Variants in SETBP1 observed in about 807,000 individuals in gnomAD.
SETBP1 encodes SET binding protein 1.
SETBP1 carries 9 observed loss-of-function variants against 101.0 expected under a neutral mutation model. The observed-to-expected ratio is 0.09, with a 90% CI of 0.05 to 0.16. SETBP1 has a LOEUF of 0.16. Among genes scored for constraint, SETBP1 ranks in the 10% least tolerant of loss-of-function variants. SETBP1 has a pLI of 1.00. For missense variants in SETBP1, 1,858 were observed against 2,033.8 expected (o/e 0.91, Z 1.66); for synonymous variants, 818 against 788.5 (o/e 1.04, Z -0.63).
intron 2 of SETBP1, among the ~76,000 whole-genome samples, chr18:44,783,408 G>A (rs1435952822): frequency 6.6e-6 from 1 of 152,160 alleles, no homozygotes; most frequent in African/African-American, 2.4e-5. Flanking sequence ...GAAAAGGAAG[G>A]AAATCAATGA....
At chr18:45,052,018 C>T (rs1323323653) in intron 5 of SETBP1, among the ~76,000 whole-genome samples, 4 of 128,484 alleles carry the variant, frequency 3.1e-5, no homozygotes, top group Non-Finnish European at 7.2e-5. Flanking sequence ...AGTCAAGTCA[C>T]GTAGATTGAT....
chr18:44,704,302 A>T (rs2069173995), intron 2 of SETBP1, among the ~76,000 whole-genome samples: 3 of 152,354 alleles, frequency 2.0e-5, no homozygotes, highest in Admixed American at 2.0e-4. Flanking sequence ...TATGGGAAAG[A>T]AATAAAATTG....
intron 2 of SETBP1, among the ~76,000 whole-genome samples, chr18:44,836,952 A>G (rs2072510141): frequency 6.6e-6 from 1 of 152,254 alleles, no homozygotes; most frequent in South Asian, 2.1e-4. Flanking sequence ...GTATGGGGCC[A>G]TGATTTTATC....
chr18:44,688,236 T>A (rs1896792207), intron 1 of SETBP1, among the ~76,000 whole-genome samples: 2 of 152,224 alleles, frequency 1.3e-5, no homozygotes, highest in South Asian at 4.1e-4. Context: ...TTATTCCTTT[T>A]ATCTGCCAAT....
At chr18:44,856,259 A>G (rs1431217730) in intron 2 of SETBP1, among the ~76,000 whole-genome samples, 2 of 152,182 alleles carry the variant, frequency 1.3e-5, no homozygotes, top group African/African-American at 4.8e-5. Context: ...CACTTCCCCA[A>G]AGTGCTCAAG....
chr18:44,953,081 A>G lies in SETBP1; in HGVS notation c.3741A>G (p.Glu1247=). The G allele has an allele frequency of 6.2e-7, 1 of 1,614,228 alleles. No homozygotes were observed. The highest frequency in any genetic ancestry group is 1.1e-5 in the South Asian group (1 of 91,088). ...SDAQHWTQAK[E]KGDLSSEPVD... is the part of the protein sequence containing the mutation. The stretch of plus-strand genomic sequence containing the variant: ...CCCAGCATTGGACACAGGCCAAGGA[A>G]AAAGGAGACTTGAGCAGTGAGCCTG... Residue 1247 remains glutamate (E), a synonymous_variant, in exon 4 of 6, where the codon GAA becomes GAG. Transcript: ENST00000649279.
At position 44,970,375 on chromosome 18, in the gene SETBP1, T is replaced by C. The variant is rs370066101; in HGVS notation, c.4000+17035T>C. ...CTTATAAAGTTGTAGCATATGTACC[T>C]ATATGTAGCAGAATGCCTGACTCAT... On this transcript the variant is annotated intron_variant, in intron 4 of 5. Coordinates refer to ENST00000649279, the MANE Select transcript of SETBP1 (RefSeq NM_015559.3). Among the ~76,000 whole-genome samples, 17 of 152,352 alleles carry C rather than the reference T, an allele frequency of 1.1e-4. 1 individual carries two copies. Among genetic ancestry groups the C allele is most frequent in the African/African-American group, 4.1e-4 (17 of 41,576 alleles).
chr18:44,958,499 C>A (rs1450715441), intron 4 of SETBP1, among the ~76,000 whole-genome samples: 1 of 152,138 alleles, frequency 6.6e-6, no homozygotes, highest in Non-Finnish European at 1.5e-5. Context: ...TATTTAGACT[C>A]AGCATTAAAT....
chr18:44,919,670 G>C (rs2070532175), intron 3 of SETBP1, among the ~76,000 whole-genome samples: 1 of 151,516 alleles, frequency 6.6e-6, no homozygotes, highest in South Asian at 2.1e-4. Context: ...CTTTAAGCTT[G>C]TCCCCATATC....
At chr18:44,992,204 G>A (rs2072393942) in intron 4 of SETBP1, among the ~76,000 whole-genome samples, 1 of 152,004 alleles carries the variant, frequency 6.6e-6, no homozygotes, top group Non-Finnish European at 1.5e-5. Flanking sequence ...ATTGGAAATT[G>A]TTTATTAAAT....
intron 2 of SETBP1, among the ~76,000 whole-genome samples, chr18:44,752,515 T>C (rs2070406789): frequency 6.6e-6 from 1 of 152,208 alleles, no homozygotes; most frequent in Non-Finnish European, 1.5e-5. Context: ...AGCATGTTTT[T>C]GCACTCCAGC....
intron 5 of SETBP1, among the ~76,000 whole-genome samples, chr18:45,046,808 T>C (rs1336225317): frequency 6.6e-6 from 1 of 152,216 alleles, no homozygotes; most frequent in Admixed American, 6.5e-5. Context: ...ATGTATGGAA[T>C]GAAAATAAGA....
intron 3 of SETBP1, among the ~76,000 whole-genome samples, chr18:44,873,588 G>A (rs1033270327): frequency 1.8e-4 from 28 of 152,114 alleles, no homozygotes; most frequent in Non-Finnish European, 7.3e-5. Flanking sequence ...TCCAGAGCAG[G>A]GGAAGCATGG....
At chr18:44,993,559 C>A (rs1269971558) in intron 4 of SETBP1, among the ~76,000 whole-genome samples, 3 of 151,868 alleles carry the variant, frequency 2.0e-5, no homozygotes, top group African/African-American at 7.2e-5. Context: ...CCTAGAAATA[C>A]ATCTAACAAA....
At chr18:44,993,767 CAATATA>C (rs1229129028) in intron 4 of SETBP1, among the ~76,000 whole-genome samples, 1 of 151,780 alleles carries the variant, frequency 6.6e-6, no homozygotes, top group African/African-American at 2.4e-5. Flanking sequence ...ATTCTATACT[CAATATA>C]AAAAGCCTAC....
chr18:44,775,617 C>G (rs2144655760), intron 2 of SETBP1, among the ~76,000 whole-genome samples: 1 of 151,358 alleles, frequency 6.6e-6, no homozygotes, highest in East Asian at 1.9e-4. Context: ...TGTTTTACCT[C>G]TTAATTCCTT....
chr18:44,988,207 G>T (rs574766458), intron 4 of SETBP1: 34 of 152,180 alleles, frequency 2.2e-4, no homozygotes, highest in African/African-American at 7.9e-4. Flanking sequence ...CACATCATAG[G>T]ATATATTTAC....
At position 44,701,457 on chromosome 18, in the gene SETBP1, T is replaced by C; in HGVS notation, c.111T>C (p.Pro37=). ...CTGCTCCTGGCTGTGCAGGAGAACC[T>C]TTGCTCTCCACTCCAGGACCTGGGA... is the stretch of plus-strand genomic sequence containing the variant. ...PPAAPGCAGE[P]LLSTPGPGKG... The change falls in exon 2 of 6, where the codon CCT becomes CCC. Residue 37 remains proline, a synonymous_variant. Transcript: ENST00000649279. 1 of 1,612,856 alleles carries C rather than the reference T, an allele frequency of 6.2e-7. No individual in the cohort carries two copies. The highest frequency in any genetic ancestry group is 8.5e-7 in the Non-Finnish European group (1 of 1,179,318).
chr18:45,002,020 C>G (rs1382078382), intron 4 of SETBP1, among the ~76,000 whole-genome samples: 2 of 152,112 alleles, frequency 1.3e-5, no homozygotes, highest in East Asian at 3.9e-4. Flanking sequence ...CTGAAAATAC[C>G]ACAGATCCGA....
Sources: allele counts gnomAD v4.1 joint callset (sites outside exome capture counted in the v4.1 genomes callset), GRCh38; gene constraint gnomAD v4.1.1; transcripts MANE v1.5; gene names NCBI Gene and HGNC (gene_info 2026-07-23, HGNC 2026-07-21).